Variants in GRIN2A observed in about 807,000 individuals in gnomAD.
GRIN2A encodes the protein glutamate ionotropic receptor NMDA type subunit 2A, also known as glutamate receptor ionotropic, NMDA 2A.
Under a neutral mutation model 113.4 loss-of-function variants are expected in GRIN2A, and 22 were observed. That is an observed-to-expected ratio of 0.19 (90% CI 0.14 to 0.28). The LOEUF (loss-of-function observed/expected upper bound fraction) is 0.28. Among genes scored for constraint, GRIN2A ranks in the 10% least tolerant of loss-of-function variants. The probability of loss-of-function intolerance (pLI) is 1.00; values close to 1 mark genes in which losing one functional copy is unlikely to be tolerated. For missense variants in GRIN2A, 1,502 were observed against 1,887.0 expected (o/e 0.80, Z 3.78); for synonymous variants, 827 against 738.4 (o/e 1.12, Z -1.94).
At position 9,763,469 on chromosome 16, in the gene GRIN2A, G is replaced by A. The variant is rs1270800004; in HGVS notation, c.4075C>T (p.Pro1359Ser). 6.2e-7 allele frequency: 1 copy of A among 1,614,024 alleles called. No individual in the cohort carries two copies. Among genetic ancestry groups the A allele is most frequent in the South Asian group, 1.1e-5 (1 of 91,074 alleles). ...AAAGGGTTATCGGAGGTGTGGTCTG[G>A]CAAGAGAGACTTGCTCCTCTTGCTG... is the stretch of plus-strand genomic sequence containing the variant. Reference protein sequence around the residue: ...EDSKRSKSLLPDHTSDNPFLH... With the variant: ...EDSKRSKSLLSDHTSDNPFLH... The change falls in exon 13 of 13, where the codon CCA (proline) becomes TCA (serine). Residue 1359 changes from proline to serine, a missense_variant. Physicochemically the swap from Pro to Ser is moderately conservative, Grantham distance 74. This residue lies in a region of GRIN2A where 832 missense variants were observed against 789.7 expected (regional missense o/e 1.05). Coordinates refer to ENST00000330684, the MANE Select transcript of GRIN2A (RefSeq NM_001134407.3).
At chr16:9,898,639 T>C (rs1213966543) in intron 3 of GRIN2A, among the ~76,000 whole-genome samples, 1 of 152,176 alleles carries the variant, frequency 6.6e-6, no homozygotes, top group Non-Finnish European at 1.5e-5. Context: ...CCAGGGACGT[T>C]TCCTGGATCA....
chr16:10,179,893 C>CCCCAAAAAAAAAAAAAAAAA, intron 2 of GRIN2A, 105 bp downstream of exon 2: 2 of 719,816 alleles, frequency 2.8e-6, no homozygotes, highest in Non-Finnish European at 4.8e-6. Context: ...CCCCCACCCC[C>CCCCAAAAAAAAAAAAAAAAA]ACTTCACATC....
intron 2 of GRIN2A, among the ~76,000 whole-genome samples, chr16:10,104,212 A>T (rs1482411636): frequency 6.6e-6 from 1 of 152,222 alleles, no homozygotes; most frequent in Non-Finnish European, 1.5e-5. Flanking sequence ...TCATTCTGTC[A>T]TCTGTTCATT....
chr16:9,813,699 CAAA>C (rs553969865), intron 10 of GRIN2A, among the ~76,000 whole-genome samples: 1 of 133,426 alleles, frequency 7.5e-6, no homozygotes. Context: ...CACCCCCCCG[CAAA>C]AAAAAAAAAG....
chr16:9,795,219 C>T (rs566276638), intron 11 of GRIN2A, among the ~76,000 whole-genome samples: 1 of 152,218 alleles, frequency 6.6e-6, no homozygotes, highest in East Asian at 1.9e-4. Context: ...ATCATAAAGA[C>T]CATGCTGAGA....
At chr16:10,039,485 TAAAC>T in intron 2 of GRIN2A, among the ~76,000 whole-genome samples, 1 of 152,110 alleles carries the variant, frequency 6.6e-6, no homozygotes, top group East Asian at 1.9e-4. Context: ...ATCGAGACGC[TAAAC>T]TCTAAGTCTT....
chr16:10,049,598 C>T (rs893113281), intron 2 of GRIN2A, among the ~76,000 whole-genome samples: 2 of 152,218 alleles, frequency 1.3e-5, no homozygotes, highest in Middle Eastern at 3.4e-3. Context: ...AGGCTGGTCT[C>T]GAACTCCTGA....
chr16:9,832,728 C>G (rs1477671113), intron 8 of GRIN2A, among the ~76,000 whole-genome samples: 2 of 152,162 alleles, frequency 1.3e-5, no homozygotes, highest in Non-Finnish European at 2.9e-5. Flanking sequence ...GAAACTGTCT[C>G]AGATTCCACC....
intron 10 of GRIN2A, among the ~76,000 whole-genome samples, chr16:9,818,513 A>T (rs890807191): frequency 6.6e-6 from 1 of 152,146 alleles, no homozygotes; most frequent in Non-Finnish European, 1.5e-5. Flanking sequence ...GCAAGCTCAA[A>T]AGACTAAAAA....
chr16:10,134,632 TA>T (rs1410671088), intron 2 of GRIN2A, among the ~76,000 whole-genome samples: 1 of 151,904 alleles, frequency 6.6e-6, no homozygotes, highest in African/African-American at 2.4e-5. Context: ...ATAATAATAA[TA>T]AAAAAAAAAT....
At chr16:9,995,279 G>C (rs1295171650) in intron 2 of GRIN2A, among the ~76,000 whole-genome samples, 6 of 152,160 alleles carry the variant, frequency 3.9e-5, no homozygotes, top group South Asian at 2.1e-4. Context: ...AAGACACAAA[G>C]AGGTCAAACA....
At chr16:10,142,407 A>G (rs1377164221) in intron 2 of GRIN2A, among the ~76,000 whole-genome samples, 4 of 152,200 alleles carry the variant, frequency 2.6e-5, no homozygotes, top group Admixed American at 6.5e-5. Context: ...AGTTAAACCA[A>G]CGAAAGTGAC....
At chr16:9,895,387 T>C (rs2043784336) in intron 3 of GRIN2A, among the ~76,000 whole-genome samples, 1 of 152,154 alleles carries the variant, frequency 6.6e-6, no homozygotes. Context: ...CTGCCGTCAG[T>C]TCACAATAAG....
chr16:9,811,498 C>T (rs1267054989), intron 10 of GRIN2A, among the ~76,000 whole-genome samples: 1 of 152,154 alleles, frequency 6.6e-6, no homozygotes, highest in African/African-American at 2.4e-5. Flanking sequence ...GTGGCTCATG[C>T]CTGTAATTCC....
intron 2 of GRIN2A, among the ~76,000 whole-genome samples, chr16:10,170,164 T>C (rs1285942725): frequency 6.6e-6 from 1 of 152,294 alleles, no homozygotes; most frequent in Middle Eastern, 3.4e-3. Flanking sequence ...TGAAACAAAA[T>C]GCATCTATGA....
At chr16:9,997,166 G>C (rs2046238357) in intron 2 of GRIN2A, among the ~76,000 whole-genome samples, 1 of 152,172 alleles carries the variant, frequency 6.6e-6, no homozygotes, top group Non-Finnish European at 1.5e-5. Context: ...GCTCTGTCCT[G>C]AACTGGCCTG....
intron 2 of GRIN2A, among the ~76,000 whole-genome samples, chr16:10,055,174 T>C (rs1334700023): frequency 1.4e-5 from 2 of 144,818 alleles, no homozygotes; most frequent in Non-Finnish European, 3.0e-5. Context: ...AACATACTAA[T>C]ACCATTATAC....
At chr16:10,169,663 A>C (rs187836558) in intron 2 of GRIN2A, among the ~76,000 whole-genome samples, 2 of 152,210 alleles carry the variant, frequency 1.3e-5, no homozygotes, top group Non-Finnish European at 2.9e-5. Flanking sequence ...TGAGTCCTCA[A>C]TGTGACATTA....
intron 2 of GRIN2A, among the ~76,000 whole-genome samples, chr16:10,079,612 A>G (rs553605668): frequency 1.5e-3 from 222 of 152,336 alleles, no homozygotes; most frequent in African/African-American, 3.9e-3. Context: ...TCCATTACCA[A>G]TGAAGAACAA....
Sources: allele counts gnomAD v4.1 joint callset (sites outside exome capture counted in the v4.1 genomes callset), GRCh38; gene constraint gnomAD v4.1.1; regional missense constraint gnomAD v4.1.1; transcripts MANE v1.5; gene names NCBI Gene and HGNC (gene_info 2026-07-23, HGNC 2026-07-21).